Variants in ADA observed in about 807,000 individuals in gnomAD.
The protein encoded by ADA is adenosine deaminase, also known as adenosine aminohydrolase.
A neutral mutation model predicts 49.0 loss-of-function variants in ADA; 45 were observed. The ratio of observed to expected loss-of-function variants is 0.92; its 90% CI spans 0.72 to 1.18. The LOEUF (loss-of-function observed/expected upper bound fraction) is 1.18. ADA is among the 50% of genes most tolerant of loss of function. The probability of loss-of-function intolerance (pLI) is 0.00; values close to 1 mark genes in which losing one functional copy is unlikely to be tolerated. For synonymous variants in ADA, 173 were observed against 184.2 expected (o/e 0.94, Z 0.49); for missense variants, 445 against 472.5 (o/e 0.94, Z 0.54).
intron 1 of ADA, among the ~76,000 whole-genome samples, chr20:44,643,015 G>T (rs907491094): frequency 6.6e-6 from 1 of 152,140 alleles, no homozygotes; most frequent in East Asian, 1.9e-4. Flanking sequence ...GCAGAGGCAG[G>T]AAGCCACCTC....
chr20:44,635,526 A>C lies in ADA; in HGVS notation c.95+701T>G, dbSNP rs554894517. On this transcript the variant is annotated intron_variant, in intron 2 of 11. Coordinates refer to ENST00000372874, the MANE Select transcript of ADA (RefSeq NM_000022.4). ...TCAATGAGCTGATAAAGCCCAGCCC[A>C]GCTCTAGGAGATGCTCAAGAAATTG... 5.9e-5 allele frequency among the ~76,000 whole-genome samples: 9 copies of C among 152,342 alleles called. No homozygotes were observed. The South Asian group carries it at 6.2e-4, about 11-fold the overall frequency.
intron 2 of ADA, among the ~76,000 whole-genome samples, chr20:44,629,561 G>C (rs1190890594): frequency 6.6e-6 from 1 of 152,192 alleles, no homozygotes; most frequent in Non-Finnish European, 1.5e-5. Context: ...TCAGCCAGCT[G>C]GTCCTATGCC....
chr20:44,647,440 A>G (rs2065602772), intron 1 of ADA, among the ~76,000 whole-genome samples: 1 of 151,666 alleles, frequency 6.6e-6, no homozygotes, highest in Admixed American at 6.6e-5. Context: ...CTGTCTAAAA[A>G]AAGAAAAAAA....
In ADA at chr20:44,644,963, G is replaced by A. The variant is rs2065575242; in HGVS notation, c.33+6612C>T. 2.0e-5 allele frequency among the ~76,000 whole-genome samples: 3 copies of A among 152,222 alleles called. No homozygotes were observed. In the South Asian group the frequency reaches 6.2e-4, roughly 32 times the overall value. On this transcript the variant is annotated intron_variant, in intron 1 of 11. Transcript: ENST00000372874. ...GCAACAAGACTGAGGCTCAGAGAGT[G>A]GGAGGACCTTGAGTTAGAAAGTCTA...
At chr20:44,627,977 T>C (rs1216168965) in intron 3 of ADA, among the ~76,000 whole-genome samples, 1 of 152,232 alleles carries the variant, frequency 6.6e-6, no homozygotes, top group Non-Finnish European at 1.5e-5. Flanking sequence ...ACATTTTCGT[T>C]GTTATTACTG....
chr20:44,637,327 G>A lies in ADA; in HGVS notation c.34-1039C>T, dbSNP rs116389295. ...AAAAACAATGGAATATTATGCCCCCGTGTCCAAGAAAAATTGTAAGGATTA... is the reference window on the plus strand; with the variant it reads ...AAAAACAATGGAATATTATGCCCCCATGTCCAAGAAAAATTGTAAGGATTA... On this transcript the variant is annotated intron_variant, in intron 1 of 11. Transcript: ENST00000372874. Among the ~76,000 whole-genome samples, 581 of 152,158 alleles carry A rather than the reference G, an allele frequency of 3.8e-3. 5 individuals are homozygous for A. Among genetic ancestry groups the A allele is most frequent in the African/African-American group, 0.012 (514 of 41,514 alleles).
chr20:44,620,003 G>A (rs1162438225), intron 11 of ADA, among the ~76,000 whole-genome samples, 156 bp from the exon 12 acceptor site: 1 of 152,232 alleles, frequency 6.6e-6, no homozygotes, highest in South Asian at 2.1e-4. Flanking sequence ...AGCAGAACAG[G>A]CCTGGGCCCC....
chr20:44,649,730 C>CTTTTTTT (rs755647195), intron 1 of ADA, among the ~76,000 whole-genome samples: 4 of 81,874 alleles, frequency 4.9e-5, no homozygotes, highest in African/African-American at 2.0e-4. Flanking sequence ...ATCAAGGAGC[C>CTTTTTTT]TTTTTTTTTT....
chr20:44,651,547 C>A (rs1308392093), intron 1 of ADA, 28 bp downstream of exon 1: 11 of 1,530,070 alleles, frequency 7.2e-6, no homozygotes, highest in South Asian at 3.6e-5. Context: ...GCCGGACCCC[C>A]GTCCCCGGAG....
intron 3 of ADA, 118 bp from the exon 4 acceptor site, chr20:44,626,717 C>CTTGGG: frequency 4.8e-6 from 6 of 1,259,724 alleles, no homozygotes; most frequent in Non-Finnish European, 6.8e-6. Context: ...CAGACCCAAG[C>CTTGGG]TCTGGGCATC....
At chr20:44,634,448 C>T (rs986582820) in intron 2 of ADA, among the ~76,000 whole-genome samples, 4 of 152,226 alleles carry the variant, frequency 2.6e-5, no homozygotes, top group African/African-American at 9.7e-5. Flanking sequence ...GCCATGGACT[C>T]GGGGGCAGAC....
At chr20:44,645,335 G>A (rs562627361) in intron 1 of ADA, among the ~76,000 whole-genome samples, 44 of 146,938 alleles carry the variant, frequency 3.0e-4, no homozygotes, top group Non-Finnish European at 5.4e-4. Flanking sequence ...TCCAGCTTGG[G>A]TGACAGAGGA....
At chr20:44,642,138 G>A (rs1240133949) in intron 1 of ADA, among the ~76,000 whole-genome samples, 1 of 152,126 alleles carries the variant, frequency 6.6e-6, no homozygotes, top group Non-Finnish European at 1.5e-5. Context: ...ACAACAATTG[G>A]CAATGTTCAG....
Position 44,626,440 on chromosome 20 carries a change from C to T in ADA, c.362+16G>A. The T allele has an allele frequency of 6.2e-7, 1 of 1,613,462 alleles. No homozygotes were observed. The highest frequency in any genetic ancestry group is 8.5e-7 in the Non-Finnish European group (1 of 1,180,006). On this transcript the variant is annotated intron_variant, in intron 4 of 11. Transcript: ENST00000372874. ...GCCACACCCTCAGCATGGCCCCTTC[C>T]AGGCCCATCACTCACTCAGCCTGGT... is the stretch of plus-strand genomic sequence containing the variant.
At chr20:44,641,219 T>C (rs1402918461) in intron 1 of ADA, among the ~76,000 whole-genome samples, 1 of 152,096 alleles carries the variant, frequency 6.6e-6, no homozygotes, top group Admixed American at 6.5e-5. Context: ...TCCCAAGGCC[T>C]CAACCCCATC....
At chr20:44,623,158 T>A (rs1053341238) in intron 6 of ADA, 80 bp from the exon 7 acceptor site, 14 of 1,598,122 alleles carry the variant, frequency 8.8e-6, no homozygotes, top group Non-Finnish European at 1.2e-5. Flanking sequence ...CTGTGGAGAT[T>A]GAACCATCCT....
chr20:44,651,555 G>A lies in ADA; in HGVS notation c.33+20C>T. 1 of 1,532,744 alleles carries A rather than the reference G, an allele frequency of 6.5e-7. No individual in the cohort carries two copies. Among genetic ancestry groups the A allele is most frequent in the Non-Finnish European group, 8.7e-7 (1 of 1,145,750 alleles). 94.9% of individuals were successfully genotyped at this position (1,532,744 alleles called of 1,614,324 possible). ...CCCAGGCGCCGGACCCCCGTCCCCG[G>A]AGCCCCCGCGCGCGCTCACTTTGGG... On this transcript the variant is annotated intron_variant, in intron 1 of 11. Transcript: ENST00000372874.
intron 2 of ADA, among the ~76,000 whole-genome samples, chr20:44,635,417 C>CCG (rs1260561255): frequency 6.6e-6 from 1 of 152,168 alleles, no homozygotes; most frequent in African/African-American, 2.4e-5. Context: ...ATTTGTGTGA[C>CCG]CGTGGACAAC....
Position 44,623,227 on chromosome 20 carries a change from T to C in ADA, c.607-149A>G, listed in dbSNP as rs1383176646. The C allele has an allele frequency of 7.7e-6, 9 of 1,167,110 alleles. No individual in the cohort carries two copies. In the East Asian group the frequency reaches 1.8e-4, roughly 23 times the overall value. The allele number at this position is 1,167,110 out of a possible 1,614,324, so 72.3% of individuals were successfully genotyped here. On this transcript the variant is annotated intron_variant, in intron 6 of 11. Coordinates refer to ENST00000372874, the MANE Select transcript of ADA (RefSeq NM_000022.4). ...CCTGGTCTTTTACCCTCCAAGTCCT[T>C]ATCTAAGTGGTAGCTGTCACTCATT... is the stretch of plus-strand genomic sequence containing the variant.
Sources: gnomAD v4.1 joint callset for allele counts (sites outside exome capture counted in the v4.1 genomes callset) on GRCh38, gnomAD v4.1.1 for gene constraint, MANE v1.5 for transcripts, NCBI Gene and HGNC (gene_info 2026-07-23, HGNC 2026-07-21) for gene names.